ADRA1B: variants seen among roughly 807,000 people sequenced by gnomAD.
ADRA1B encodes adrenoceptor alpha 1B, also known as alpha-1B adrenergic receptor.
In ADRA1B, 17 loss-of-function variants were observed where a neutral mutation model predicts 17.9. That is an observed-to-expected ratio of 0.95 (90% CI 0.65 to 1.42). The LOEUF is 1.42. Among genes scored for constraint, ADRA1B ranks in the 40% most tolerant of loss-of-function variants. The pLI, the probability that ADRA1B is intolerant of heterozygous loss-of-function variation, is 0.00. For missense variants in ADRA1B, 681 were observed against 722.1 expected, an observed-to-expected ratio of 0.94 and a Z score of 0.65; for synonymous variants, 366 against 327.6, an observed-to-expected ratio of 1.12 and a Z score of -1.27.
upstream of ADRA1B, among the ~76,000 whole-genome samples, chr5:159,912,051 T>C (rs917300722): frequency 6.6e-6 from 1 of 152,208 alleles, no homozygotes; most frequent in Non-Finnish European, 1.5e-5. Context: ...TTAAATGAGA[T>C]AATGTACAGA....
At chr5:159,944,974 A>T (rs1223014722) in intron 1 of ADRA1B, among the ~76,000 whole-genome samples, 1 of 152,244 alleles carries the variant, frequency 6.6e-6, no homozygotes, top group Non-Finnish European at 1.5e-5. Context: ...AATTGCAGGT[A>T]CTATAGAGGA....
chr5:159,891,155 A>T (rs114131367), intron 1 of ADRA1B, among the ~76,000 whole-genome samples: 1 of 152,144 alleles, frequency 6.6e-6, no homozygotes. Flanking sequence ...TGCAAATGTC[A>T]ACTCAAAAGG....
At chr5:159,949,193 T>A (rs1755356687) in intron 1 of ADRA1B, among the ~76,000 whole-genome samples, 1 of 152,202 alleles carries the variant, frequency 6.6e-6, no homozygotes, top group Non-Finnish European at 1.5e-5. Flanking sequence ...ACTCCTACCC[T>A]CAATGTATGA....
chr5:159,892,638 T>C (rs1020181847), intron 1 of ADRA1B, among the ~76,000 whole-genome samples: 2 of 152,228 alleles, frequency 1.3e-5, no homozygotes, highest in African/African-American at 4.8e-5. Context: ...TCCAGCTCCA[T>C]CCATGTCCCT....
chr5:159,952,108 C>T (rs1755453974), intron 1 of ADRA1B, among the ~76,000 whole-genome samples: 2 of 152,150 alleles, frequency 1.3e-5, no homozygotes, highest in Admixed American at 6.5e-5. Flanking sequence ...TTTCAGTCCC[C>T]TGTGTAATCT....
At chr5:159,909,614 C>T (rs559919089) in intron 1 of ADRA1B, among the ~76,000 whole-genome samples, 3 of 152,350 alleles carry the variant, frequency 2.0e-5, no homozygotes, top group African/African-American at 7.2e-5. Flanking sequence ...ATTCTCTATG[C>T]ATCCTCCATT....
chr5:159,950,648 C>A, intron 1 of ADRA1B: 1 of 784,660 alleles, frequency 1.3e-6, no homozygotes, highest in South Asian at 1.4e-5. Flanking sequence ...CTGTTGAAGT[C>A]AGAGGAGACA....
chr5:159,890,963 T>A (rs1484320332), intron 1 of ADRA1B, among the ~76,000 whole-genome samples: 3 of 152,212 alleles, frequency 2.0e-5, no homozygotes, highest in Admixed American at 2.0e-4. Flanking sequence ...TTTAAAAGAC[T>A]TCCTTGGACT....
At chr5:159,874,044 A>G (rs1294079719) in intron 1 of ADRA1B, among the ~76,000 whole-genome samples, 2 of 152,206 alleles carry the variant, frequency 1.3e-5, no homozygotes, top group Admixed American at 6.5e-5. Context: ...ACAGAAACAC[A>G]ACCTAACATT....
At chr5:159,962,935 CTTT>C (rs1206944978) in intron 1 of ADRA1B, among the ~76,000 whole-genome samples, 3 of 41,802 alleles carry the variant, frequency 7.2e-5, no homozygotes, top group Non-Finnish European at 1.0e-4. Context: ...CTTTTCTTTT[CTTT>C]TTTTTTTTTT....
At chr5:159,927,414 C>CACACACACAT (rs1554090089) in intron 1 of ADRA1B, among the ~76,000 whole-genome samples, 1 of 151,160 alleles carries the variant, frequency 6.6e-6, no homozygotes, top group Non-Finnish European at 1.5e-5. Context: ...CACACACACA[C>CACACACACAT]GTATGCATAG....
chr5:159,943,838 A>G (rs1431237281), intron 1 of ADRA1B, among the ~76,000 whole-genome samples: 2 of 151,592 alleles, frequency 1.3e-5, no homozygotes, highest in Admixed American at 1.3e-4. Context: ...TTTCCTTCCA[A>G]TCAGTATATT....
intron 1 of ADRA1B, chr5:159,954,985 C>A: frequency 3.7e-6 from 1 of 270,142 alleles, no homozygotes; most frequent in Non-Finnish European, 5.7e-6. Context: ...TTATGGCATG[C>A]CGGTAGACCT....
chr5:159,876,417 C>G (rs955549967), intron 1 of ADRA1B, among the ~76,000 whole-genome samples: 2 of 152,178 alleles, frequency 1.3e-5, no homozygotes, highest in Non-Finnish European at 2.9e-5. Flanking sequence ...ATGTCTCTTT[C>G]TTATCCAGGA....
chr5:159,906,278 C>A (rs867869980), intron 1 of ADRA1B, among the ~76,000 whole-genome samples: 2 of 151,962 alleles, frequency 1.3e-5, no homozygotes, highest in Middle Eastern at 6.8e-3. Context: ...AGTTAAGAAC[C>A]CTCTCTATAG....
At chr5:159,901,400 G>A (rs867756715) in intron 1 of ADRA1B, among the ~76,000 whole-genome samples, 3 of 120,216 alleles carry the variant, frequency 2.5e-5, no homozygotes, top group Non-Finnish European at 1.7e-5. Context: ...AGGAGGAGGA[G>A]GAGGAAGGGG....
intron 1 of ADRA1B, among the ~76,000 whole-genome samples, chr5:159,899,287 G>GAAGGAAGA (rs1561585325): frequency 7.9e-5 from 6 of 76,396 alleles, no homozygotes; most frequent in Non-Finnish European, 1.0e-4. Flanking sequence ...AGGAAGGAAG[G>GAAGGAAGA]AAGGAAGGAA....
Position 159,917,171 on chromosome 5 carries a change from T to C in ADRA1B, c.266T>C (p.Met89Thr). ...AACTACTTCATTGTCAACCTGGCCATGGCCGACCTGCTGTTGAGCTTCACC... is the reference window on the plus strand; with the variant it reads ...AACTACTTCATTGTCAACCTGGCCACGGCCGACCTGCTGTTGAGCTTCACC... ...PTNYFIVNLA[M>T]ADLLLSFTVL... Residue 89 changes from methionine to threonine, a missense_variant, in exon 1 of 2, where the codon ATG becomes ACG. Transcript: ENST00000306675. 3 of 1,614,150 alleles carry C rather than the reference T, an allele frequency of 1.9e-6. No homozygotes were observed. The highest frequency in any genetic ancestry group is 2.5e-6 in the Non-Finnish European group (3 of 1,180,020).
Position 159,972,209 on chromosome 5 carries a change from G to A in ADRA1B, c.1280G>A (p.Ser427Asn), listed in dbSNP as rs1056492253. ...SQRTLPSASP[S>N]PGYLGRGAPP... ...CGGACCCTGCCCTCGGCCTCGCCGA[G>A]CCCGGGCTACCTGGGCCGCGGCGCG... The change falls in exon 2 of 2, where the codon AGC (serine) becomes AAC (asparagine). Residue 427 changes from serine (S) to asparagine (N), a missense_variant. Ser to Asn is a conservative substitution (Grantham distance 46). Transcript: ENST00000306675. The A allele has an allele frequency of 2.2e-6, 3 of 1,361,032 alleles. No homozygotes were observed. Among genetic ancestry groups the A allele is most frequent in the Admixed American group, 3.0e-5 (1 of 33,726 alleles). 84.3% of individuals were successfully genotyped at this position (1,361,032 alleles called of 1,614,324 possible). A position where few individuals can be genotyped will look rare whatever the true frequency, so the allele number is the denominator to read the frequency against.
Sources: allele counts gnomAD v4.1 joint callset (sites outside exome capture counted in the v4.1 genomes callset), GRCh38; gene constraint gnomAD v4.1.1; transcripts MANE v1.5; gene names NCBI Gene and HGNC (gene_info 2026-07-23, HGNC 2026-07-21).